The following CNKSR2 variants were observed in gnomAD, a reference collection of about 807,000 sequenced individuals.
CNKSR2 encodes the protein CNK homolog protein 2.
A neutral mutation model predicts 84.4 loss-of-function variants in CNKSR2; 14 were observed. The ratio of observed to expected loss-of-function variants is 0.17; its 90% CI spans 0.11 to 0.26. The LOEUF (loss-of-function observed/expected upper bound fraction) is 0.26, where lower values mean the gene tolerates loss of function less well. Among genes scored for constraint, CNKSR2 ranks in the 10% least tolerant of loss-of-function variants. CNKSR2 has a pLI of 1.00. For missense variants in CNKSR2, 485 were observed against 771.2 expected, an observed-to-expected ratio of 0.63 and a Z score of 4.40; for synonymous variants, 275 against 277.9, an observed-to-expected ratio of 0.99 and a Z score of 0.10.
intron 11 of CNKSR2, among the ~76,000 whole-genome samples, chrX:21,552,130 C>G (rs1172801701): frequency 9.1e-6 from 1 of 109,782 alleles, no homozygotes; most frequent in African/African-American, 3.3e-5. Flanking sequence ...TAAATGGTAG[C>G]TAGGTAAAGT....
intron 1 of CNKSR2, chrX:21,423,910 C>T (rs1427303092): frequency 9.0e-6 from 1 of 110,980 alleles, no homozygotes; most frequent in Non-Finnish European, 1.9e-5. Flanking sequence ...CTGTATGTTT[C>T]TATCTCTCTT....
intron 15 of CNKSR2, 46 bp from the exon 16 acceptor site, chrX:21,594,928 C>T (rs1476812944): frequency 2.0e-6 from 2 of 983,264 alleles, no homozygotes. Context: ...TCATTACCTT[C>T]ACACCTTTGT....
chrX:21,470,385 A>G (rs1322459438), intron 4 of CNKSR2, among the ~76,000 whole-genome samples: 1 of 111,847 alleles, frequency 8.9e-6, no homozygotes, highest in Non-Finnish European at 1.9e-5. Flanking sequence ...TCTAATCTAT[A>G]ATAAATTAGT....
intron 6 of CNKSR2, chrX:21,494,076 A>G (rs894463708): frequency 7.2e-5 from 8 of 111,526 alleles, no homozygotes; most frequent in African/African-American, 2.6e-4. Context: ...TCCTCTTCCT[A>G]TAACTACTAG....
intron 1 of CNKSR2, among the ~76,000 whole-genome samples, chrX:21,400,299 C>T (rs757244484): frequency 9.2e-6 from 1 of 109,191 alleles, no homozygotes; most frequent in South Asian, 4.1e-4. Flanking sequence ...CTCAACATGG[C>T]CTGCTCATAC....
At chrX:21,640,149 G>A (rs1260246486) in intron 20 of CNKSR2, among the ~76,000 whole-genome samples, 4 of 111,665 alleles carry the variant, frequency 3.6e-5, no homozygotes, top group Non-Finnish European at 7.5e-5. Context: ...AGTTTAGTGT[G>A]GGTTAAGTGG....
intron 8 of CNKSR2, among the ~76,000 whole-genome samples, chrX:21,514,576 G>A (rs1434464677): frequency 5.4e-5 from 6 of 111,087 alleles, no homozygotes; most frequent in Non-Finnish European, 7.6e-5. Flanking sequence ...AATTTCACAG[G>A]AAAATACCAT....
At chrX:21,531,565 G>T (rs1378223171) in intron 10 of CNKSR2, among the ~76,000 whole-genome samples, 3 of 111,015 alleles carry the variant, frequency 2.7e-5, no homozygotes, top group African/African-American at 9.8e-5. Flanking sequence ...GTATGACATG[G>T]TACAGTGAAA....
At chrX:21,480,919 C>T (rs1415761837) in intron 5 of CNKSR2, among the ~76,000 whole-genome samples, 1 of 111,935 alleles carries the variant, frequency 8.9e-6, no homozygotes, top group African/African-American at 3.2e-5. Flanking sequence ...AAACAATGTT[C>T]AAAGCACAGT....
chrX:21,632,264 A>G (rs1004448166), intron 20 of CNKSR2, among the ~76,000 whole-genome samples: 14 of 111,595 alleles, frequency 1.3e-4, no homozygotes, highest in African/African-American at 3.9e-4. Flanking sequence ...GTTGGGAGCA[A>G]TGTACCACAG....
intron 8 of CNKSR2, chrX:21,506,471 G>A (rs765262532): frequency 9.0e-6 from 1 of 111,588 alleles, no homozygotes; most frequent in African/African-American, 3.2e-5. Context: ...TGATGAGAAT[G>A]TGTGGAAACT....
chrX:21,440,971 G>A (rs2090774993), intron 4 of CNKSR2, 190 bp downstream of exon 4: 4 of 317,022 alleles, frequency 1.3e-5, no homozygotes, highest in Non-Finnish European at 2.2e-5. Context: ...TAGCTTACCA[G>A]AAGATATAAA....
intron 1 of CNKSR2, among the ~76,000 whole-genome samples, chrX:21,386,438 A>C (rs2089971314): frequency 8.9e-6 from 1 of 112,313 alleles, no homozygotes; most frequent in African/African-American, 3.2e-5. Context: ...TTGTGAAATA[A>C]ATGCAAAATA....
intron 17 of CNKSR2, among the ~76,000 whole-genome samples, chrX:21,596,504 G>A (rs1460761644): frequency 9.0e-6 from 1 of 111,174 alleles, no homozygotes; most frequent in Non-Finnish European, 1.9e-5. Context: ...TATATACGTT[G>A]GGTTCTTACT....
intron 8 of CNKSR2, among the ~76,000 whole-genome samples, chrX:21,512,188 C>T (rs1265453487): frequency 1.8e-5 from 2 of 111,896 alleles, no homozygotes; most frequent in African/African-American, 6.5e-5. Flanking sequence ...CTTCAAGGAG[C>T]TCATAATCTA....
intron 11 of CNKSR2, among the ~76,000 whole-genome samples, chrX:21,540,007 G>T (rs993048890): frequency 1.8e-5 from 2 of 111,877 alleles, no homozygotes; most frequent in African/African-American, 3.2e-5. Context: ...TATTTGTTAA[G>T]TCATTCAACT....
chrX:21,390,185 A>G (rs1308217730), intron 1 of CNKSR2, among the ~76,000 whole-genome samples: 1 of 112,159 alleles, frequency 8.9e-6, no homozygotes, highest in Non-Finnish European at 1.9e-5. Flanking sequence ...ATAATTTTTA[A>G]GTAAATAAAT....
At chrX:21,527,820 C>T (rs943129226) in intron 10 of CNKSR2, among the ~76,000 whole-genome samples, 2 of 110,866 alleles carry the variant, frequency 1.8e-5, no homozygotes, top group Non-Finnish European at 3.8e-5. Context: ...TTTAAGGTCT[C>T]TTGTTTTCAA....
intron 17 of CNKSR2, among the ~76,000 whole-genome samples, chrX:21,599,526 C>T (rs1005802704): frequency 1.8e-5 from 2 of 110,159 alleles, no homozygotes; most frequent in Non-Finnish European, 3.8e-5. Context: ...CCACCACACC[C>T]GGCTAATTTT....
Sources: allele counts gnomAD v4.1 joint callset (sites outside exome capture counted in the v4.1 genomes callset), GRCh38; gene constraint gnomAD v4.1.1; transcripts MANE v1.5; gene names NCBI Gene and HGNC (gene_info 2026-07-23, HGNC 2026-07-21).